The following ZNF407 variants were observed in gnomAD, a reference collection of about 807,000 sequenced individuals.
ZNF407 encodes the protein zinc finger protein 407.
ZNF407 carries 17 observed loss-of-function variants against 131.2 expected under a neutral mutation model. The observed-to-expected ratio is 0.13, with a 90% CI of 0.09 to 0.19. ZNF407 has a LOEUF of 0.19. ZNF407 is among the 10% of genes least tolerant of loss of function. The pLI, the probability that ZNF407 is intolerant of heterozygous loss-of-function variation, is 1.00. For synonymous variants in ZNF407, 1,156 were observed against 1,062.0 expected (o/e 1.09, Z -1.72); for missense variants, 2,681 against 2,830.6 (o/e 0.95, Z 1.20).
chr18:74,740,539 A>G (rs1599114044), intron 3 of ZNF407, among the ~76,000 whole-genome samples: 1 of 152,114 alleles, frequency 6.6e-6, no homozygotes, highest in African/African-American at 2.4e-5. Context: ...AAAGTACTAG[A>G]AAGAAATTGC....
intron 4 of ZNF407, among the ~76,000 whole-genome samples, chr18:74,807,611 TAGTAA>T (rs1239798039): frequency 6.6e-6 from 1 of 152,164 alleles, no homozygotes; most frequent in African/African-American, 2.4e-5. Context: ...AAAATTGACA[TAGTAA>T]AGTAATATTT....
At chr18:74,753,048 C>T (rs1235950557) in intron 3 of ZNF407, among the ~76,000 whole-genome samples, 2 of 152,098 alleles carry the variant, frequency 1.3e-5, no homozygotes, top group Admixed American at 6.6e-5. Context: ...TCTTTTATTT[C>T]GTTGAGCAGT....
chr18:74,884,013 A>T (rs1327149377), intron 6 of ZNF407, among the ~76,000 whole-genome samples: 1 of 152,206 alleles, frequency 6.6e-6, no homozygotes, highest in East Asian at 1.9e-4. Flanking sequence ...CCAATATCTT[A>T]CTTAGATTTA....
intron 4 of ZNF407, among the ~76,000 whole-genome samples, chr18:74,874,958 GAGCTGTATGCATTATT>G (rs1316440995): frequency 2.6e-5 from 4 of 152,162 alleles, no homozygotes; most frequent in African/African-American, 9.7e-5. Flanking sequence ...CGGCAAGATA[GAGCTGTATGCATTATT>G]AGCTCAGGTT....
intron 8 of ZNF407, among the ~76,000 whole-genome samples, chr18:74,984,307 GA>G (rs148856054): frequency 2.7e-5 from 4 of 150,682 alleles, no homozygotes; most frequent in Admixed American, 1.3e-4. Context: ...GTTACCAGAG[GA>G]AAAAAAAAGT....
rs748053641 is a variant in ZNF407 at position 74,634,483 on chromosome 18, A to T, written c.3464A>T (p.Glu1155Val). 20 of 1,613,694 alleles carry T rather than the reference A, an allele frequency of 1.2e-5. No individual in the cohort carries two copies. The highest frequency in any genetic ancestry group is 3.3e-5 in the Admixed American group (2 of 60,010). Residue 1155 changes from glutamate to valine, a missense_variant, in exon 2 of 9, where the codon GAA becomes GTA. Physicochemically the swap from Glu to Val is moderately radical, Grantham distance 121 (BLOSUM62 -2). This residue lies in a region of ZNF407 where 1,789 missense variants were observed against 1,748.7 expected (regional missense o/e 1.02). Coordinates refer to ENST00000299687, the MANE Select transcript of ZNF407 (RefSeq NM_017757.3). ...TCTGTAGAAGTTGAGACTGAAGAAG[A>T]ATCTAATTTCAATGAAGACCATTCC... is the stretch of plus-strand genomic sequence containing the variant. The part of the protein sequence containing the change: ...ADSVEVETEE[E>V]SNFNEDHSFC...
intron 8 of ZNF407, among the ~76,000 whole-genome samples, chr18:74,934,796 A>T (rs1462486725): frequency 6.6e-6 from 1 of 152,244 alleles, no homozygotes; most frequent in Non-Finnish European, 1.5e-5. Context: ...ACAGAGCGAG[A>T]CTCGGTCTCA....
At chr18:74,782,659 G>A (rs1008608949) in intron 4 of ZNF407, among the ~76,000 whole-genome samples, 4 of 151,262 alleles carry the variant, frequency 2.6e-5, no homozygotes, top group African/African-American at 4.9e-5. Context: ...TTCCTCTGTC[G>A]CCCAGGCTGG....
At chr18:74,655,971 T>G (rs1985438957) in intron 3 of ZNF407, among the ~76,000 whole-genome samples, 1 of 152,158 alleles carries the variant, frequency 6.6e-6, no homozygotes, top group Non-Finnish European at 1.5e-5. Flanking sequence ...ACTATATAAA[T>G]TATAAAAATA....
At chr18:74,777,049 G>A (rs1969487478) in intron 3 of ZNF407, among the ~76,000 whole-genome samples, 2 of 152,130 alleles carry the variant, frequency 1.3e-5, no homozygotes, top group African/African-American at 4.8e-5. Context: ...GACTCGTGTT[G>A]TTCAAGGGTC....
intron 8 of ZNF407, among the ~76,000 whole-genome samples, chr18:74,939,603 A>G (rs1448788906): frequency 6.6e-6 from 1 of 152,230 alleles, no homozygotes; most frequent in Non-Finnish European, 1.5e-5. Context: ...AAACAGTGAG[A>G]TGCCCCTTTT....
intron 4 of ZNF407, among the ~76,000 whole-genome samples, chr18:74,835,479 G>T (rs1312435720): frequency 1.3e-5 from 2 of 152,156 alleles, no homozygotes; most frequent in African/African-American, 4.8e-5. Context: ...AATATAAACT[G>T]TGCCCATGGT....
chr18:74,886,770 G>A (rs1198036786), intron 6 of ZNF407, among the ~76,000 whole-genome samples: 1 of 152,162 alleles, frequency 6.6e-6, no homozygotes, highest in African/African-American at 2.4e-5. Flanking sequence ...GTTAAAAGGA[G>A]TCTTTTTGGG....
chr18:74,784,899 G>A (rs1475166335), intron 4 of ZNF407, among the ~76,000 whole-genome samples: 1 of 152,160 alleles, frequency 6.6e-6, no homozygotes, highest in Non-Finnish European at 1.5e-5. Context: ...GATGGTATTC[G>A]TCGTTCAGTG....
intron 3 of ZNF407, among the ~76,000 whole-genome samples, chr18:74,660,883 G>A (rs1172583574): frequency 1.3e-5 from 2 of 152,028 alleles, no homozygotes; most frequent in African/African-American, 2.4e-5. Context: ...TAATCTGGTG[G>A]AGCTGATAAT....
chr18:75,063,926 C>G lies in ZNF407; in HGVS notation c.6205C>G (p.Gln2069Glu). ...VVHPSAAMAS[Q>E]ERAQVAFKKM... The stretch of plus-strand genomic sequence containing the variant: ...CCATCCCTCAGCAGCCATGGCCTCT[C>G]AGGAGCGGGCACAGGTGGCCTTCAA... Residue 2069 changes from glutamine (Q) to glutamate (E), a missense_variant, in exon 9 of 9, where the codon CAG becomes GAG. Around this residue, in one of 6 missense-constraint regions of ZNF407, gnomAD observed 620 missense variants for 583.1 expected, o/e 1.06. Coordinates refer to ENST00000299687, the MANE Select transcript of ZNF407 (RefSeq NM_017757.3). The surrounding 1 kb of genome is among the most constrained non-coding windows in gnomAD (Gnocchi z 6.6). The G allele has an allele frequency of 6.2e-7, 1 of 1,613,632 alleles. No individual in the cohort carries two copies. Among genetic ancestry groups the G allele is most frequent in the South Asian group, 1.1e-5 (1 of 91,072 alleles).
intron 8 of ZNF407, among the ~76,000 whole-genome samples, chr18:74,980,379 C>T (rs1383612596): frequency 6.6e-6 from 1 of 152,002 alleles, no homozygotes; most frequent in East Asian, 1.9e-4. Flanking sequence ...GTGACCTCAG[C>T]TCACTACATC....
chr18:74,721,829 A>G lies in ZNF407; in HGVS notation c.4803-59599A>G, dbSNP rs575615008. 2.0e-5 allele frequency among the ~76,000 whole-genome samples: 3 copies of G among 152,012 alleles called. No homozygotes were observed. The East Asian group carries it at 5.8e-4, about 29-fold the overall frequency. Reference sequence around the variant, plus strand: ...TTTTGTGTTAATATGAATTTTCTCCACCTTCTTTATTTGGGTATGTCTTTA... The same window carrying G: ...TTTTGTGTTAATATGAATTTTCTCCGCCTTCTTTATTTGGGTATGTCTTTA... On this transcript the variant is annotated intron_variant, in intron 3 of 8. Transcript: ENST00000299687.
rs148779380 is a variant in ZNF407, at chr18:74,934,585, G to T, written c.5428+13893G>T. 1.6e-3 allele frequency among the ~76,000 whole-genome samples: 249 copies of T among 152,316 alleles called. 1 individual carries two copies. The highest frequency in any genetic ancestry group is 5.8e-3 in the African/African-American group (240 of 41,578). Reference sequence around the variant, plus strand: ...GCACTTAGGGAGGCCAAGGCGGGTGGATCACCTGATGTCAGGAGTTCAAGA... The same window carrying T: ...GCACTTAGGGAGGCCAAGGCGGGTGTATCACCTGATGTCAGGAGTTCAAGA... On this transcript the variant is annotated intron_variant, in intron 8 of 8. Coordinates refer to ENST00000299687, the MANE Select transcript of ZNF407 (RefSeq NM_017757.3).
Sources: gnomAD v4.1 joint callset for allele counts (sites outside exome capture counted in the v4.1 genomes callset) on GRCh38, gnomAD v4.1.1 for gene constraint, gnomAD v4.1.1 regional missense constraint, Gnocchi (gnomAD v3.1) non-coding constraint, MANE v1.5 for transcripts, NCBI Gene and HGNC (gene_info 2026-07-23, HGNC 2026-07-21) for gene names.